Variants in ARHGEF3 observed in about 807,000 individuals in gnomAD.
The protein encoded by ARHGEF3 is 59.8 kDA protein.
Under a neutral mutation model 63.2 loss-of-function variants are expected in ARHGEF3, and 28 were observed. The observed-to-expected ratio is 0.44, with a 90% CI of 0.33 to 0.61. ARHGEF3 has a LOEUF of 0.61. Among genes scored for constraint, ARHGEF3 ranks in the 20% least tolerant of loss-of-function variants. ARHGEF3 has a pLI of 0.03. For missense variants in ARHGEF3, 533 were observed against 659.3 expected (o/e 0.81, Z 2.10); for synonymous variants, 266 against 254.2 (o/e 1.05, Z -0.44).
intron 2 of ARHGEF3, among the ~76,000 whole-genome samples, chr3:56,992,668 C>T (rs1221518226): frequency 6.6e-6 from 1 of 152,126 alleles, no homozygotes; most frequent in African/African-American, 2.4e-5. Flanking sequence ...CAGCACATAG[C>T]ACAGAGGACA....
At chr3:56,767,246 T>TA (rs929203983) in intron 2 of ARHGEF3, among the ~76,000 whole-genome samples, 41 of 151,278 alleles carry the variant, frequency 2.7e-4, no homozygotes, top group African/African-American at 8.7e-4. Flanking sequence ...CCAAAGGGAG[T>TA]AAAAAAATAG....
In ARHGEF3 at chr3:57,007,407, TTTG is replaced by T; in HGVS notation, c.62+27678_62+27680del. On this transcript the variant is annotated intron_variant, in intron 2 of 12. Transcript: ENST00000338458. ...CTGCTGAGGCTGAGCTGGAATTGAT[TTTG>T]TTTATTCCAAAATCAGGCTTGGAAA... 2.4e-6 allele frequency: 3 copies of T among 1,259,772 alleles called. No individual in the cohort carries two copies. The South Asian group carries it at 3.9e-5, about 16-fold the overall frequency. 78.0% of individuals were successfully genotyped at this position (1,259,772 alleles called of 1,614,324 possible). A position where few individuals can be genotyped will look rare whatever the true frequency, so the allele number is the denominator to read the frequency against.
chr3:56,974,304 T>C (rs756020153), intron 2 of ARHGEF3, among the ~76,000 whole-genome samples: 22 of 152,182 alleles, frequency 1.4e-4, no homozygotes, highest in Non-Finnish European at 3.1e-4. Context: ...ATACTAGTTA[T>C]ATAAATATCG....
chr3:57,029,474 T>C (rs1703636561), intron 2 of ARHGEF3, among the ~76,000 whole-genome samples: 1 of 151,976 alleles, frequency 6.6e-6, no homozygotes, highest in East Asian at 1.9e-4. Flanking sequence ...GATCACATAG[T>C]TGAAGGACTG....
intron 2 of ARHGEF3, among the ~76,000 whole-genome samples, chr3:56,767,974 C>T (rs999827163): frequency 8.6e-5 from 13 of 151,984 alleles, no homozygotes; most frequent in African/African-American, 2.4e-4. Context: ...TCTCAAACTC[C>T]TGACCTCAAG....
At chr3:56,935,413 A>AG (rs2042534924) in intron 3 of ARHGEF3, among the ~76,000 whole-genome samples, 1 of 152,198 alleles carries the variant, frequency 6.6e-6, no homozygotes, top group Admixed American at 6.5e-5. Flanking sequence ...CCTAGCCAGC[A>AG]GCGGCAACCC....
chr3:56,744,819 T>A (rs1355283468), intron 7 of ARHGEF3, among the ~76,000 whole-genome samples: 2 of 152,136 alleles, frequency 1.3e-5, no homozygotes, highest in East Asian at 3.9e-4. Context: ...GGATGTCCAC[T>A]TCACAAATGA....
chr3:56,761,905 G>C (rs2035441968), intron 2 of ARHGEF3, among the ~76,000 whole-genome samples: 1 of 152,152 alleles, frequency 6.6e-6, no homozygotes, highest in African/African-American at 2.4e-5. Flanking sequence ...AAGATTCATA[G>C]TGTAGCGGGG....
chr3:56,999,777 A>G (rs1326901468), intron 2 of ARHGEF3, among the ~76,000 whole-genome samples: 1 of 152,236 alleles, frequency 6.6e-6, no homozygotes, highest in Non-Finnish European at 1.5e-5. Flanking sequence ...AGCCTTGGAA[A>G]AAGAGTGAGA....
Position 56,902,505 on chromosome 3 carries a change from A to T in ARHGEF3, c.130-20151T>A, listed in dbSNP as rs140187749. 2.0e-5 allele frequency among the ~76,000 whole-genome samples: 3 copies of T among 152,328 alleles called. No homozygotes were observed. In the East Asian group the frequency reaches 5.8e-4, roughly 29 times the overall value. On this transcript the variant is annotated intron_variant, in intron 3 of 12. Transcript: ENST00000338458. Reference sequence around the variant, plus strand: ...CACAGAACTGTACCCCTCTCCCTACATCCTTTTTAGTCTGAGAGACACAAA... The same window carrying T: ...CACAGAACTGTACCCCTCTCCCTACTTCCTTTTTAGTCTGAGAGACACAAA...
intron 7 of ARHGEF3, among the ~76,000 whole-genome samples, chr3:56,739,167 T>C (rs1348015427): frequency 1.3e-5 from 2 of 152,098 alleles, no homozygotes; most frequent in African/African-American, 4.8e-5. Context: ...CTCTGTCCCC[T>C]AAAAGTGAAA....
In ARHGEF3 at chr3:56,732,396, ACTTCTTGGAACAGGAAAACATG is replaced by A; in HGVS notation, c.1048_1069del (p.His350CysfsTer3). ...GGTGACGGCTCGAGTGATCACAAGCACTTCTTGGAACAGGAAAACATGCAGTTTCTAGAAGAAAAAAATCCAC... is the reference window on the plus strand; with the variant it reads ...GGTGACGGCTCGAGTGATCACAAGCACAGTTTCTAGAAGAAAAAAATCCAC... On this transcript the variant is annotated frameshift_variant, in exon 9 of 10. Transcript: ENST00000296315. LOFTEE classifies it high-confidence loss of function. 1 of 1,614,184 alleles carries A rather than the reference ACTTCTTGGAACAGGAAAACATG, an allele frequency of 6.2e-7. No homozygotes were observed. The highest frequency in any genetic ancestry group is 1.1e-5 in the South Asian group (1 of 91,088).
intron 8 of ARHGEF3, among the ~76,000 whole-genome samples, chr3:56,732,699 G>A (rs535094677): frequency 1.3e-5 from 2 of 152,106 alleles, no homozygotes; most frequent in Non-Finnish European, 2.9e-5. Context: ...CCAACTTTGG[G>A]GGCCCTATTC....
intron 7 of ARHGEF3, among the ~76,000 whole-genome samples, chr3:56,738,761 A>G (rs1266170220): frequency 1.3e-5 from 2 of 152,106 alleles, no homozygotes; most frequent in Non-Finnish European, 2.9e-5. Flanking sequence ...ACAAAATGCT[A>G]GCAAACAAAG....
chr3:56,934,642 A>T (rs2108402159), intron 3 of ARHGEF3, among the ~76,000 whole-genome samples: 1 of 152,314 alleles, frequency 6.6e-6, no homozygotes, highest in East Asian at 1.9e-4. Context: ...TGGGTCCCCC[A>T]GCAGTGCCAG....
chr3:56,776,753 A>G (rs1034874933), intron 1 of ARHGEF3, among the ~76,000 whole-genome samples: 2 of 152,186 alleles, frequency 1.3e-5, no homozygotes, highest in African/African-American at 2.4e-5. Context: ...ACAGAGAGGT[A>G]ACAGAACACA....
chr3:56,891,817 A>C (rs2041131069), intron 3 of ARHGEF3, among the ~76,000 whole-genome samples: 1 of 152,196 alleles, frequency 6.6e-6, no homozygotes, highest in Non-Finnish European at 1.5e-5. Context: ...AGCAGCAGTA[A>C]CAGCAAGTAA....
intron 2 of ARHGEF3, among the ~76,000 whole-genome samples, chr3:56,985,409 A>G (rs1701495388): frequency 6.6e-6 from 1 of 152,242 alleles, no homozygotes; most frequent in South Asian, 2.1e-4. Flanking sequence ...AGGATTTTAA[A>G]TTGGAATACA....
chr3:56,771,654 A>T (rs1280516940), intron 2 of ARHGEF3, among the ~76,000 whole-genome samples: 1 of 152,190 alleles, frequency 6.6e-6, no homozygotes. Context: ...ATTCTGTTAT[A>T]TCTGGAACAT....
Sources: allele counts gnomAD v4.1 joint callset (sites outside exome capture counted in the v4.1 genomes callset), GRCh38; gene constraint gnomAD v4.1.1; transcripts MANE v1.5; gene names NCBI Gene and HGNC (gene_info 2026-07-23, HGNC 2026-07-21).